PZP: variants seen among roughly 807,000 people sequenced by gnomAD.
PZP encodes pregnancy zone protein.
In PZP, 150 loss-of-function variants were observed where a neutral mutation model predicts 179.8. The ratio of observed to expected loss-of-function variants is 0.83; its 90% CI spans 0.73 to 0.96. The LOEUF (loss-of-function observed/expected upper bound fraction) is 0.96, where lower values mean the gene tolerates loss of function less well. Among genes scored for constraint, PZP ranks in the 40% least tolerant of loss-of-function variants. The probability of loss-of-function intolerance (pLI) is 0.00; values close to 1 mark genes in which losing one functional copy is unlikely to be tolerated. For missense variants in PZP, 1,689 were observed against 1,764.0 expected (o/e 0.96, Z 0.76); for synonymous variants, 624 against 652.3 (o/e 0.96, Z 0.66).
chr12:9,169,382 A>G, intron 16 of PZP, 48 bp downstream of exon 16: 1 of 1,471,746 alleles, frequency 6.8e-7, no homozygotes, highest in South Asian at 1.3e-5. Flanking sequence ...TTTTATTAAC[A>G]TTCAAAAACT....
chr12:9,197,329 T>C (rs1376500891), intron 7 of PZP, among the ~76,000 whole-genome samples: 1 of 148,178 alleles, frequency 6.7e-6, no homozygotes, highest in East Asian at 1.9e-4. Flanking sequence ...TACCACCACA[T>C]TCTCTTTGGG....
Position 9,196,570 on chromosome 12 carries a change from C to A in PZP, c.982+1G>T. On this transcript the variant is annotated splice_donor_variant, in intron 9 of 35. Coordinates refer to ENST00000261336, the MANE Select transcript of PZP (RefSeq NM_002864.3). LOFTEE classifies it high-confidence loss of function. ...TTCCCATATTCGTTCATTACTCACA[C>A]CTGTCCCCTCTTCTCTGATCCTGGC... 1 of 1,598,062 alleles carries A rather than the reference C, an allele frequency of 6.3e-7. No individual in the cohort carries two copies. Among genetic ancestry groups the A allele is most frequent in the Non-Finnish European group, 8.6e-7 (1 of 1,165,482 alleles).
At chr12:9,154,164 A>G (rs1229376359) in intron 29 of PZP, among the ~76,000 whole-genome samples, 3 of 152,228 alleles carry the variant, frequency 2.0e-5, no homozygotes, top group African/African-American at 7.2e-5. Flanking sequence ...GATGTCTGGA[A>G]CATTGGTTCC....
At chr12:9,161,192 G>C in intron 22 of PZP, 76 bp from the exon 23 acceptor site, 1 of 1,222,054 alleles carries the variant, frequency 8.2e-7, no homozygotes, top group Non-Finnish European at 1.1e-6. Context: ...AATGTAGTGA[G>C]AGCTTCAGAG....
chr12:9,206,638 A>G (rs1034248228), intron 1 of PZP, among the ~76,000 whole-genome samples: 3 of 152,082 alleles, frequency 2.0e-5, no homozygotes, highest in Non-Finnish European at 4.4e-5. Context: ...GAGAATGGCT[A>G]TTGGTTCTCT....
At chr12:9,201,130 T>C in intron 5 of PZP, 70 bp from the exon 6 acceptor site, 3 of 1,559,664 alleles carry the variant, frequency 1.9e-6, no homozygotes, top group East Asian at 2.2e-5. Flanking sequence ...TCAAATGATT[T>C]TGAAGGTGAT....
rs1942793383 is a variant in PZP, at chr12:9,182,006, T to G, written c.1658A>C (p.Lys553Thr). ...PDGEVVGDSE[K>T]FEIENCLANK... ...GGCTAGACAGTTTTCAATCTCAAAT[T>G]TTTCAGAGTCTCCAACAACTTCTCC... The change falls in exon 14 of 36, where the codon AAA (lysine) becomes ACA (threonine). Residue 553 changes from lysine to threonine, a missense_variant. By Grantham distance (78) the Lys-to-Thr change is moderately conservative. Coordinates refer to ENST00000261336, the MANE Select transcript of PZP (RefSeq NM_002864.3). The G allele has an allele frequency of 2.5e-6, 4 of 1,613,784 alleles. No individual in the cohort carries two copies. Among genetic ancestry groups the G allele is most frequent in the Non-Finnish European group, 3.4e-6 (4 of 1,179,930 alleles).
chr12:9,192,907 A>C (rs1180773844), intron 11 of PZP, among the ~76,000 whole-genome samples, 168 bp from the exon 12 acceptor site: 1 of 152,200 alleles, frequency 6.6e-6, no homozygotes, highest in African/African-American at 2.4e-5. Context: ...CCAACATTCA[A>C]ATATTAAAAG....
chr12:9,171,103 G>T (rs1941967093), intron 15 of PZP, among the ~76,000 whole-genome samples: 1 of 152,194 alleles, frequency 6.6e-6, no homozygotes, highest in Non-Finnish European at 1.5e-5. Context: ...ATGTGGGCTG[G>T]CAACAAGTTA....
Position 9,182,028 on chromosome 12 carries a change from C to G in PZP, c.1636G>C (p.Glu546Gln). Residue 546 changes from glutamate (E) to glutamine (Q), a missense_variant, in exon 14 of 36, where the codon GAA becomes CAA. This residue lies in a region of PZP where 742 missense variants were observed against 730.5 expected (regional missense o/e 1.02). Transcript: ENST00000261336. ...AATTTTTCAGAGTCTCCAACAACTT[C>G]TCCATCTGGTAAAATGGCAAAGATG... ...MFIFAILPDG[E>Q]VVGDSEKFEI... 6.2e-7 allele frequency: 1 copy of G among 1,613,860 alleles called. No individual in the cohort carries two copies. The highest frequency in any genetic ancestry group is 8.5e-7 in the Non-Finnish European group (1 of 1,179,876).
chr12:9,158,664 TG>T, intron 25 of PZP, 88 bp from the exon 26 acceptor site: 1 of 1,342,002 alleles, frequency 7.5e-7, no homozygotes, highest in African/African-American at 1.5e-5. Context: ...CCCATCACAG[TG>T]TGCACCCAAG....
At chr12:9,139,742 C>T in the PZP span, among the ~76,000 whole-genome samples, 2 of 152,066 alleles carry the variant, frequency 1.3e-5, no homozygotes, top group Admixed American at 1.3e-4. Context: ...ATAAGTGTAG[C>T]CACTCCTCCT....
At chr12:9,152,693 A>G in intron 31 of PZP, 131 bp downstream of exon 31, 1 of 954,106 alleles carries the variant, frequency 1.0e-6, no homozygotes, top group Non-Finnish European at 1.5e-6. Flanking sequence ...TAAAAGCCTA[A>G]ATTCATTTAT....
Position 9,148,968 on chromosome 12 carries a change from G to GA in PZP, c.*3_*4insT. 1 of 1,609,340 alleles carries GA rather than the reference G, an allele frequency of 6.2e-7. No individual in the cohort carries two copies. The highest frequency in any genetic ancestry group is 1.1e-5 in the South Asian group (1 of 90,962). On this transcript the variant is annotated 3_prime_UTR_variant, in exon 36 of 36. Coordinates refer to ENST00000261336, the MANE Select transcript of PZP (RefSeq NM_002864.3). ...TCCACCAAAATATACAGCCTGTATG[G>GA]TCCTCAAACATTTCCATGCTCTGTA...
At chr12:9,183,901 G>C (rs1942935796) in intron 13 of PZP, among the ~76,000 whole-genome samples, 1 of 152,148 alleles carries the variant, frequency 6.6e-6, no homozygotes, top group South Asian at 2.1e-4. Flanking sequence ...TTAAGGCAGT[G>C]TTATGCCATT....
rs769135310 is a variant in PZP at position 9,192,239 on chromosome 12, G to A, written c.1500C>T (p.Val500=). 2 of 1,614,040 alleles carry A rather than the reference G, an allele frequency of 1.2e-6. No individual in the cohort carries two copies. Among genetic ancestry groups the A allele is most frequent in the South Asian group, 2.2e-5 (2 of 91,060 alleles). The change falls in exon 13 of 36, where the codon GTC becomes GTT. Residue 500 remains valine, a synonymous_variant. Transcript: ENST00000261336. ...SFHYLIMAKG[V]IVRSGTHTLP... is the part of the protein sequence containing the mutation. ...GAGTGTGGGTTCCAGATCTGACGAT[G>A]ACTCCCTTAGCCATGATCTGAAATG...
At chr12:9,146,364 T>C (rs1940007624), downstream of PZP, among the ~76,000 whole-genome samples, 1 of 152,090 alleles carries the variant, frequency 6.6e-6, no homozygotes, top group African/African-American at 2.4e-5. Flanking sequence ...TGATTTCTGC[T>C]TGGTACCTTT....
At chr12:9,158,279 G>T in intron 26 of PZP, 141 bp downstream of exon 26, 2 of 1,279,736 alleles carry the variant, frequency 1.6e-6, no homozygotes, top group Non-Finnish European at 2.2e-6. Flanking sequence ...TCTGTAGAAA[G>T]TGTAATACTC....
At chr12:9,163,519 G>A in intron 21 of PZP, 149 bp downstream of exon 21, 1 of 852,788 alleles carries the variant, frequency 1.2e-6, no homozygotes, top group Non-Finnish European at 1.7e-6. Context: ...TGGCAATGTT[G>A]TCTGCTGCAA....
Sources: allele counts gnomAD v4.1 joint callset (sites outside exome capture counted in the v4.1 genomes callset), GRCh38; gene constraint gnomAD v4.1.1; regional missense constraint gnomAD v4.1.1; transcripts MANE v1.5; gene names NCBI Gene and HGNC (gene_info 2026-07-23, HGNC 2026-07-21).